Variants in CDK5RAP1 observed in about 807,000 individuals in gnomAD.
CDK5RAP1 encodes mitochondrial tRNA methylthiotransferase CDK5RAP1.
CDK5RAP1 carries 62 observed loss-of-function variants against 64.5 expected under a neutral mutation model. That is an observed-to-expected ratio of 0.96 (90% CI 0.78 to 1.19). CDK5RAP1 has a LOEUF of 1.19. Among genes scored for constraint, CDK5RAP1 ranks in the 50% most tolerant of loss-of-function variants. The probability of loss-of-function intolerance (pLI) is 0.00; values close to 1 mark genes in which losing one functional copy is unlikely to be tolerated. For missense variants in CDK5RAP1, 657 were observed against 735.0 expected (o/e 0.89, Z 1.23); for synonymous variants, 250 against 261.9 (o/e 0.95, Z 0.44).
chr20:33,388,296 A>C (rs540647615), intron 5 of CDK5RAP1, among the ~76,000 whole-genome samples: 22 of 152,286 alleles, frequency 1.4e-4, no homozygotes, highest in Middle Eastern at 3.4e-3. Context: ...ATATCCTTAA[A>C]AAAATTATGT....
chr20:33,362,848 T>C (rs1304789243), intron 12 of CDK5RAP1, among the ~76,000 whole-genome samples: 1 of 152,222 alleles, frequency 6.6e-6, no homozygotes. Context: ...CAACATGCTA[T>C]ATTCTTAAGT....
intron 8 of CDK5RAP1, among the ~76,000 whole-genome samples, chr20:33,377,335 C>A (rs1986139885): frequency 6.6e-6 from 1 of 152,210 alleles, no homozygotes; most frequent in Non-Finnish European, 1.5e-5. Context: ...GAACCACCTT[C>A]AGCATTGATC....
chr20:33,396,457 T>C (rs1043220684), intron 2 of CDK5RAP1, among the ~76,000 whole-genome samples: 1 of 152,146 alleles, frequency 6.6e-6, no homozygotes, highest in African/African-American at 2.4e-5. Context: ...CACACTATCA[T>C]ACCTGGCTAA....
intron 11 of CDK5RAP1, among the ~76,000 whole-genome samples, chr20:33,368,236 T>C (rs934390373): frequency 6.6e-6 from 1 of 152,140 alleles, no homozygotes; most frequent in Admixed American, 6.6e-5. Flanking sequence ...TGAACATTCA[T>C]ATTCACTGAC....
At chr20:33,388,526 C>T (rs1488619354) in intron 5 of CDK5RAP1, among the ~76,000 whole-genome samples, 1 of 103,564 alleles carries the variant, frequency 9.7e-6, no homozygotes, top group Non-Finnish European at 2.0e-5. Context: ...CTCTCCCTCT[C>T]CCTCTCCCCC....
In CDK5RAP1 at chr20:33,385,709, T is replaced by C; in HGVS notation, c.817A>G (p.Arg273Gly). Residue 273 changes from arginine (R) to glycine (G), a missense_variant, in exon 7 of 14, where the codon AGG (arginine) becomes GGG (glycine). Arg to Gly is a moderately radical substitution (Grantham distance 125, BLOSUM62 -2). Transcript: ENST00000346416. Reference sequence around the variant, plus strand: ...GAGGCAATAGGCCGACTCCTCTCCCTGCCCCGGGTGAAAGGAACAATGCAG... The same window carrying C: ...GAGGCAATAGGCCGACTCCTCTCCCCGCCCCGGGTGAAAGGAACAATGCAG... ...SYCIVPFTRG[R>G]ERSRPIASIL... The C allele has an allele frequency of 6.2e-7, 1 of 1,614,062 alleles. No individual in the cohort carries two copies. The highest frequency in any genetic ancestry group is 8.5e-7 in the Non-Finnish European group (1 of 1,179,908).
At chr20:33,368,512 T>A (rs957053353) in intron 11 of CDK5RAP1, among the ~76,000 whole-genome samples, 7 of 146,864 alleles carry the variant, frequency 4.8e-5, no homozygotes, top group Non-Finnish European at 1.0e-4. Flanking sequence ...CTCCCTATGT[T>A]ACCCAGGTTG....
At chr20:33,365,654 G>C (rs1228953798) in intron 12 of CDK5RAP1, among the ~76,000 whole-genome samples, 2 of 148,508 alleles carry the variant, frequency 1.3e-5, no homozygotes, top group East Asian at 2.0e-4. Flanking sequence ...TCTGGAGAGA[G>C]AGCTGTATCT....
At chr20:33,398,731 G>GC (rs1357448723) in intron 1 of CDK5RAP1, among the ~76,000 whole-genome samples, 1 of 152,094 alleles carries the variant, frequency 6.6e-6, no homozygotes, top group Non-Finnish European at 1.5e-5. Flanking sequence ...TTCGAGACCA[G>GC]CCTGGGCAAC....
chr20:33,375,769 T>C (rs1442204302), intron 8 of CDK5RAP1, among the ~76,000 whole-genome samples: 2 of 152,206 alleles, frequency 1.3e-5, no homozygotes, highest in Non-Finnish European at 2.9e-5. Flanking sequence ...GACACAAATT[T>C]TTTGGTTTCC....
At chr20:33,370,738 C>T in intron 10 of CDK5RAP1, 109 bp from the exon 11 acceptor site, 3 of 1,141,684 alleles carry the variant, frequency 2.6e-6, no homozygotes, top group South Asian at 2.8e-5. Context: ...AAGGTCCTCC[C>T]TAGGACTATT....
chr20:33,376,695 GATCA>G (rs1314032720), intron 8 of CDK5RAP1, among the ~76,000 whole-genome samples: 1 of 152,008 alleles, frequency 6.6e-6, no homozygotes, highest in African/African-American at 2.4e-5. Flanking sequence ...GTTTATATAA[GATCA>G]ATTCTTATTA....
chr20:33,360,334 C>A lies in CDK5RAP1; in HGVS notation c.1683+17G>T. ...TCATTTCACAGTGCAAGCCAAAAGCCCAAAAGGACTCCTCACCTTCACCAG... is the reference window on the plus strand; with the variant it reads ...TCATTTCACAGTGCAAGCCAAAAGCACAAAAGGACTCCTCACCTTCACCAG... On this transcript the variant is annotated intron_variant, in intron 13 of 13. Coordinates refer to ENST00000346416, the MANE Select transcript of CDK5RAP1 (RefSeq NM_016408.4). The A allele has an allele frequency of 6.2e-7, 1 of 1,611,598 alleles. No individual in the cohort carries two copies. The highest frequency in any genetic ancestry group is 2.2e-5 in the East Asian group (1 of 44,878).
intron 13 of CDK5RAP1, 160 bp downstream of exon 13, chr20:33,360,191 G>C (rs528719739): frequency 6.3e-6 from 4 of 634,920 alleles, no homozygotes; most frequent in Non-Finnish European, 5.5e-6. Flanking sequence ...TTAGTAAGGA[G>C]CAGTCTAAAA....
intron 2 of CDK5RAP1, 82 bp downstream of exon 2, chr20:33,396,679 T>G: frequency 9.5e-7 from 1 of 1,049,342 alleles, no homozygotes; most frequent in Non-Finnish European, 1.4e-6. Context: ...TCCAAGCCAG[T>G]TCTGTAATAA....
intron 7 of CDK5RAP1, among the ~76,000 whole-genome samples, chr20:33,383,245 A>G (rs1600763255): frequency 1.3e-5 from 2 of 152,248 alleles, no homozygotes. Flanking sequence ...AAATATCCTT[A>G]TTTTTTAGAG....
In CDK5RAP1 at chr20:33,399,774, C is replaced by T. The variant is rs111649378; in HGVS notation, c.-21+1654G>A. Among the ~76,000 whole-genome samples the T allele has an allele frequency of 3.9e-3, 589 of 152,296 alleles. 5 individuals carry two copies. The highest frequency in any genetic ancestry group is 0.017 in the Middle Eastern group (5 of 294). On this transcript the variant is annotated intron_variant, in intron 1 of 13. Coordinates refer to ENST00000346416, the MANE Select transcript of CDK5RAP1 (RefSeq NM_016408.4). ...AGTGCGGTGGCTGACATCTATAATC[C>T]CAGCACTTTGGGAGGCCGAGGCAGG...
intron 7 of CDK5RAP1, among the ~76,000 whole-genome samples, chr20:33,380,334 C>T (rs914837731): frequency 1.3e-5 from 2 of 152,154 alleles, no homozygotes; most frequent in Non-Finnish European, 2.9e-5. Flanking sequence ...CTTAAGCAGT[C>T]CTCCTGCCTC....
chr20:33,362,453 A>T (rs1056035806), intron 12 of CDK5RAP1, among the ~76,000 whole-genome samples: 4 of 152,232 alleles, frequency 2.6e-5, no homozygotes, highest in African/African-American at 9.6e-5. Flanking sequence ...GCTGAGCAGC[A>T]TCACTGCCAA....
Sources: allele counts gnomAD v4.1 joint callset (sites outside exome capture counted in the v4.1 genomes callset), GRCh38; gene constraint gnomAD v4.1.1; transcripts MANE v1.5; gene names NCBI Gene and HGNC (gene_info 2026-07-23, HGNC 2026-07-21).